Variants in CHRM3 observed in about 807,000 individuals in gnomAD.
The protein encoded by CHRM3 is muscarinic acetylcholine receptor M3.
CHRM3 carries 11 observed loss-of-function variants against 41.8 expected under a neutral mutation model. The observed-to-expected ratio is 0.26, with a 90% CI of 0.17 to 0.44. The LOEUF (loss-of-function observed/expected upper bound fraction) is 0.44, where lower values mean the gene tolerates loss of function less well. Ranked by LOEUF, CHRM3 falls within the 20% of genes least tolerant of loss-of-function variation. The pLI, the probability that CHRM3 is intolerant of heterozygous loss-of-function variation, is 1.00. For missense variants in CHRM3, 571 were observed against 745.4 expected, an observed-to-expected ratio of 0.77 and a Z score of 2.72; for synonymous variants, 297 against 301.4, an observed-to-expected ratio of 0.99 and a Z score of 0.15.
intron 4 of CHRM3, among the ~76,000 whole-genome samples, chr1:239,640,805 T>C (rs2148917441): frequency 6.7e-6 from 1 of 149,784 alleles, no homozygotes. Flanking sequence ...TGCCTTCTGC[T>C]AGCTTTTGAA....
intron 5 of CHRM3, among the ~76,000 whole-genome samples, chr1:239,695,217 G>A (rs149592724): frequency 0.02 from 3,043 of 152,146 alleles, 40 homozygotes; most frequent in Non-Finnish European, 0.031. Flanking sequence ...TCACCATGTT[G>A]GCCAGGATGG....
At chr1:239,565,915 T>C (rs563839396) in intron 3 of CHRM3, among the ~76,000 whole-genome samples, 1,487 of 147,126 alleles carry the variant, frequency 0.01, 15 homozygotes, top group South Asian at 0.012. Flanking sequence ...TTTTTCTTTT[T>C]TTTTTTTTTT....
chr1:239,407,849 G>T (rs981958364), intron 1 of CHRM3, among the ~76,000 whole-genome samples: 2 of 152,084 alleles, frequency 1.3e-5, no homozygotes, highest in African/African-American at 4.8e-5. Flanking sequence ...CATTAAAAAG[G>T]AAGTAAAGAA....
chr1:239,545,945 A>G (rs1659246185), intron 3 of CHRM3, 196 bp downstream of exon 3: 2 of 152,168 alleles, frequency 1.3e-5, no homozygotes, highest in Admixed American at 6.5e-5. Flanking sequence ...TATTAGGTAT[A>G]AGTATATAAA....
chr1:239,667,037 T>C (rs1183040511), intron 4 of CHRM3, among the ~76,000 whole-genome samples: 2 of 152,214 alleles, frequency 1.3e-5, no homozygotes, highest in African/African-American at 4.8e-5. Flanking sequence ...CTTTTCTTCT[T>C]AATCTGCATC....
intron 2 of CHRM3, among the ~76,000 whole-genome samples, chr1:239,496,275 A>G (rs1483580697): frequency 6.6e-6 from 1 of 152,124 alleles, no homozygotes; most frequent in Non-Finnish European, 1.5e-5. Flanking sequence ...CATGCAAAAA[A>G]TCAAGATTTG....
chr1:239,670,306 C>T (rs2149054237), intron 4 of CHRM3, among the ~76,000 whole-genome samples: 1 of 152,160 alleles, frequency 6.6e-6, no homozygotes, highest in East Asian at 1.9e-4. Context: ...GGCCCATAGT[C>T]TCTATTTCTT....
chr1:239,617,661 G>C (rs1051600438), intron 3 of CHRM3, among the ~76,000 whole-genome samples: 1 of 152,108 alleles, frequency 6.6e-6, no homozygotes, highest in African/African-American at 2.4e-5. Flanking sequence ...TTCAGTCCAG[G>C]GGTTCTAGGC....
At chr1:239,523,567 G>C (rs961322003) in intron 2 of CHRM3, among the ~76,000 whole-genome samples, 1 of 152,082 alleles carries the variant, frequency 6.6e-6, no homozygotes, top group African/African-American at 2.4e-5. Flanking sequence ...AATGTTTTAC[G>C]TTGTTTCTTG....
At chr1:239,620,507 A>G (rs1034275297) in intron 3 of CHRM3, among the ~76,000 whole-genome samples, 2 of 152,176 alleles carry the variant, frequency 1.3e-5, no homozygotes, top group African/African-American at 4.8e-5. Flanking sequence ...AGATAGAGAG[A>G]AAGAGGGAGA....
intron 6 of CHRM3, among the ~76,000 whole-genome samples, chr1:239,904,079 C>T (rs1372207053): frequency 6.6e-6 from 1 of 152,174 alleles, no homozygotes; most frequent in Non-Finnish European, 1.5e-5. Flanking sequence ...ATAAAACCAG[C>T]ATGGCATAAG....
rs572700397 is a variant in CHRM3 at position 239,516,337 on chromosome 1, G to T, written c.-422+23530G>T. On this transcript the variant is annotated intron_variant, in intron 2 of 6. Coordinates refer to ENST00000676153, the MANE Select transcript of CHRM3 (RefSeq NM_001375978.1). Reference sequence around the variant, plus strand: ...AATCATTTTAAAGCTCTGACCTTCCGCTTCTCTGTAAAATGGGCATCACGA... The same window carrying T: ...AATCATTTTAAAGCTCTGACCTTCCTCTTCTCTGTAAAATGGGCATCACGA... Among the ~76,000 whole-genome samples, 362 of 152,168 alleles carry T rather than the reference G, an allele frequency of 2.4e-3. 4 individuals are homozygous for T. Among genetic ancestry groups the T allele is most frequent in the Non-Finnish European group, 1.5e-3 (100 of 68,012 alleles).
intron 5 of CHRM3, among the ~76,000 whole-genome samples, chr1:239,796,570 T>C (rs1669790970): frequency 6.6e-6 from 1 of 152,000 alleles, no homozygotes; most frequent in African/African-American, 2.4e-5. Flanking sequence ...CTCGTGGGTG[T>C]ATACTTAATG....
chr1:239,764,575 G>A (rs1229461114), intron 5 of CHRM3, among the ~76,000 whole-genome samples: 1 of 152,204 alleles, frequency 6.6e-6, no homozygotes, highest in African/African-American at 2.4e-5. Context: ...GTTTTAAATA[G>A]CTGCTGTACA....
At chr1:239,687,966 A>T (rs1415637476) in intron 5 of CHRM3, among the ~76,000 whole-genome samples, 1 of 152,092 alleles carries the variant, frequency 6.6e-6, no homozygotes, top group Non-Finnish European at 1.5e-5. Flanking sequence ...TCGCTAAGTG[A>T]TGCATGGATG....
At chr1:239,669,096 C>T (rs1209724566) in intron 4 of CHRM3, among the ~76,000 whole-genome samples, 46 of 152,230 alleles carry the variant, frequency 3.0e-4, no homozygotes. Flanking sequence ...CCTGTTGATC[C>T]TTGGTGCCGG....
At chr1:239,699,382 A>C (rs1660483641) in intron 5 of CHRM3, among the ~76,000 whole-genome samples, 1 of 152,122 alleles carries the variant, frequency 6.6e-6, no homozygotes, top group South Asian at 2.1e-4. Context: ...AGCCCTTATA[A>C]GAAGAGATAG....
At chr1:239,687,202 C>T (rs894998464) in intron 5 of CHRM3, among the ~76,000 whole-genome samples, 6 of 151,722 alleles carry the variant, frequency 4.0e-5, no homozygotes, top group Non-Finnish European at 8.8e-5. Context: ...ATAATTGATC[C>T]ATTTTTACTA....
intron 5 of CHRM3, among the ~76,000 whole-genome samples, chr1:239,744,832 G>A (rs1665204324): frequency 6.6e-6 from 1 of 152,128 alleles, no homozygotes; most frequent in Admixed American, 6.6e-5. Flanking sequence ...AGCTCAGAGA[G>A]GGAAGAGAAT....
Sources: allele counts gnomAD v4.1 joint callset (sites outside exome capture counted in the v4.1 genomes callset), GRCh38; gene constraint gnomAD v4.1.1; transcripts MANE v1.5; gene names NCBI Gene and HGNC (gene_info 2026-07-23, HGNC 2026-07-21).